Variants in TSNARE1 observed in about 807,000 individuals in gnomAD.
TSNARE1 encodes t-SNARE domain containing 1.
In TSNARE1, 49 loss-of-function variants were observed where a neutral mutation model predicts 62.0. That is an observed-to-expected ratio of 0.79 (90% CI 0.63 to 1.00). TSNARE1 has a LOEUF of 1.00. Ranked by LOEUF, TSNARE1 falls within the 50% of genes least tolerant of loss-of-function variation. The pLI is 0.00. For synonymous variants in TSNARE1, 328 were observed against 294.4 expected, an observed-to-expected ratio of 1.11 and a Z score of -1.17; for missense variants, 755 against 700.1, an observed-to-expected ratio of 1.08 and a Z score of -0.88.
chr8:142,215,585 C>T (rs547025376), intron 13 of TSNARE1, among the ~76,000 whole-genome samples: 1 of 152,288 alleles, frequency 6.6e-6, no homozygotes, highest in South Asian at 2.1e-4. Context: ...AACCTGAGAA[C>T]CCCCAGGAGA....
intron 9 of TSNARE1, among the ~76,000 whole-genome samples, chr8:142,302,538 G>A (rs989867876): frequency 6.6e-6 from 1 of 152,134 alleles, no homozygotes; most frequent in Non-Finnish European, 1.5e-5. Flanking sequence ...CTCAGCCACA[G>A]GCCCCCTCCC....
intron 12 of TSNARE1, among the ~76,000 whole-genome samples, chr8:142,259,226 A>AC (rs1417836285): frequency 6.6e-6 from 1 of 152,174 alleles, no homozygotes; most frequent in African/African-American, 2.4e-5. Context: ...TGCTGTCTCT[A>AC]CCCTTCCCTC....
chr8:142,314,576 C>T (rs912159568), intron 8 of TSNARE1, 136 bp from the exon 9 acceptor site: 10 of 732,916 alleles, frequency 1.4e-5, no homozygotes, highest in Middle Eastern at 3.4e-4. Context: ...AAGAGGCTGC[C>T]GGGGCCGGGG....
chr8:142,315,343 TA>T (rs2131627630), intron 7 of TSNARE1, among the ~76,000 whole-genome samples: 1 of 152,232 alleles, frequency 6.6e-6, no homozygotes, highest in African/African-American at 2.4e-5. Context: ...CCAAGGCACA[TA>T]AACCCGGCCC....
chr8:142,311,289 A>AGTT (rs1827543803), intron 9 of TSNARE1, among the ~76,000 whole-genome samples: 1 of 68,800 alleles, frequency 1.5e-5, no homozygotes, highest in Non-Finnish European at 2.6e-5. Context: ...CAGCCTCTCT[A>AGTT]GTTTTTTTTT....
intron 1 of TSNARE1, among the ~76,000 whole-genome samples, chr8:142,382,162 C>A (rs776783798): frequency 1.3e-5 from 2 of 151,962 alleles, no homozygotes; most frequent in South Asian, 2.1e-4. Flanking sequence ...CTCATGTGTG[C>A]GACAGAGAGC....
At chr8:142,357,818 GGA>G (rs1261414572) in intron 1 of TSNARE1, among the ~76,000 whole-genome samples, 1 of 152,180 alleles carries the variant, frequency 6.6e-6, no homozygotes, top group African/African-American at 2.4e-5. Context: ...AAGCCACCAC[GGA>G]GAGAGGAGAG....
At chr8:142,216,288 T>C (rs1423767510) in intron 13 of TSNARE1, among the ~76,000 whole-genome samples, 2 of 151,986 alleles carry the variant, frequency 1.3e-5, no homozygotes, top group Non-Finnish European at 2.9e-5. Flanking sequence ...GATCTTTGGA[T>C]TGGAACAGAT....
At chr8:142,213,057 C>G (rs1271045029) in intron 13 of TSNARE1, among the ~76,000 whole-genome samples, 2 of 37,082 alleles carry the variant, frequency 5.4e-5, no homozygotes, top group Non-Finnish European at 1.2e-4. Context: ...TCCCTTCCCC[C>G]TCCACCTTCC....
intron 11 of TSNARE1, chr8:142,275,263 A>T: frequency 1.0e-6 from 1 of 985,424 alleles, no homozygotes; most frequent in Non-Finnish European, 1.2e-6. Context: ...CCCCTGCCTT[A>T]ACGTCTGTGG....
chr8:142,298,587 C>A (rs1041166939), intron 10 of TSNARE1, among the ~76,000 whole-genome samples: 1 of 152,202 alleles, frequency 6.6e-6, no homozygotes, highest in Non-Finnish European at 1.5e-5. Context: ...TCTCCCTGGA[C>A]GCTGCCCTCT....
At chr8:142,303,573 C>T (rs867196334) in intron 9 of TSNARE1, among the ~76,000 whole-genome samples, 1 of 152,228 alleles carries the variant, frequency 6.6e-6, no homozygotes, top group Admixed American at 6.5e-5. Context: ...ACCCACCCTA[C>T]GCCAGGCACT....
intron 5 of TSNARE1, among the ~76,000 whole-genome samples, 159 bp downstream of exon 5, chr8:142,331,595 C>T (rs1831043601): frequency 6.6e-6 from 1 of 152,166 alleles, no homozygotes; most frequent in Admixed American, 6.5e-5. Flanking sequence ...CATCCAGCAC[C>T]CTCGCATCCA....
rs112831948 is a variant in TSNARE1, at chr8:142,335,761, C to T, written c.746-3930G>A. Among the ~76,000 whole-genome samples, 1,099 of 152,274 alleles carry T rather than the reference C, an allele frequency of 7.2e-3. 20 individuals carry two copies. Among genetic ancestry groups the T allele is most frequent in the African/African-American group, 0.025 (1,042 of 41,552 alleles). ...CACTCCAGTAGCCATCAACCCCTTGCGGCAATTTAAATGTAGATTTTAATT... is the reference window on the plus strand; with the variant it reads ...CACTCCAGTAGCCATCAACCCCTTGTGGCAATTTAAATGTAGATTTTAATT... On this transcript the variant is annotated intron_variant, in intron 4 of 13. Transcript: ENST00000524325.
chr8:142,281,221 C>A (rs1821393982), intron 11 of TSNARE1, among the ~76,000 whole-genome samples: 2 of 88,880 alleles, frequency 2.3e-5, no homozygotes, highest in Admixed American at 2.3e-4. Context: ...TAACCAAAGG[C>A]CCGTGGGCAC....
At chr8:142,255,983 C>T (rs62650733) in intron 12 of TSNARE1, among the ~76,000 whole-genome samples, 5 of 89,498 alleles carry the variant, frequency 5.6e-5, no homozygotes, top group Non-Finnish European at 1.0e-4. Flanking sequence ...ATCACCACCA[C>T]CACCACCGTC....
intron 1 of TSNARE1, among the ~76,000 whole-genome samples, chr8:142,371,620 G>C (rs1021065912): frequency 6.6e-6 from 1 of 152,196 alleles, no homozygotes; most frequent in African/African-American, 2.4e-5. Context: ...GGCTGTAAAG[G>C]AGCACAAAGG....
intron 11 of TSNARE1, chr8:142,275,431 G>A: frequency 5.1e-6 from 5 of 985,314 alleles, no homozygotes; most frequent in Non-Finnish European, 6.0e-6. Context: ...GGGCTCGGTG[G>A]CTGCAGCAGT....
At chr8:142,381,722 A>C (rs867646478) in intron 1 of TSNARE1, among the ~76,000 whole-genome samples, 1 of 152,204 alleles carries the variant, frequency 6.6e-6, no homozygotes. Context: ...TGGGAGTGTC[A>C]GCCCCAGGCT....
Sources: allele counts gnomAD v4.1 joint callset (sites outside exome capture counted in the v4.1 genomes callset), GRCh38; gene constraint gnomAD v4.1.1; transcripts MANE v1.5; gene names NCBI Gene and HGNC (gene_info 2026-07-23, HGNC 2026-07-21).